The following ZBBX variants were observed in gnomAD, a reference collection of about 807,000 sequenced individuals.
ZBBX encodes zinc finger B-box domain containing, also known as zinc finger B-box domain-containing protein 1.
Under a neutral mutation model 108.5 loss-of-function variants are expected in ZBBX, and 101 were observed. The ratio of observed to expected loss-of-function variants is 0.93; its 90% CI spans 0.79 to 1.10. ZBBX has a LOEUF of 1.10. ZBBX is among the 50% of genes least tolerant of loss of function. ZBBX has a pLI of 0.00. For synonymous variants in ZBBX, 356 were observed against 323.4 expected (o/e 1.10, Z -1.08); for missense variants, 1,009 against 941.4 (o/e 1.07, Z -0.94).
At chr3:167,358,370 G>A (rs1057094218) in intron 8 of ZBBX, among the ~76,000 whole-genome samples, 1 of 151,830 alleles carries the variant, frequency 6.6e-6, no homozygotes, top group Non-Finnish European at 1.5e-5. Flanking sequence ...ACTAGGGGAT[G>A]GGGGGAATGG....
chr3:167,352,645 T>C (rs1742856003), intron 8 of ZBBX, among the ~76,000 whole-genome samples: 1 of 151,618 alleles, frequency 6.6e-6, no homozygotes, highest in Non-Finnish European at 1.5e-5. Context: ...AGGGTAACCC[T>C]GCTACCAAAG....
chr3:167,252,051 G>A (rs1722715921), intron 20 of ZBBX: 1 of 939,934 alleles, frequency 1.1e-6, no homozygotes, highest in South Asian at 1.5e-5. Context: ...AAACACCTCT[G>A]CCCTTCTCAG....
chr3:167,270,147 T>C (rs1726269690), intron 20 of ZBBX, among the ~76,000 whole-genome samples: 1 of 152,150 alleles, frequency 6.6e-6, no homozygotes, highest in African/African-American at 2.4e-5. Flanking sequence ...TCATCTACAT[T>C]CTGAGGGGCT....
intron 20 of ZBBX, among the ~76,000 whole-genome samples, chr3:167,274,738 T>C (rs1254516724): frequency 1.3e-5 from 2 of 152,198 alleles, no homozygotes; most frequent in Non-Finnish European, 2.9e-5. Context: ...GCTCCACCAC[T>C]GTACCTCACG....
At chr3:167,368,032 G>A (rs1447441153) in intron 5 of ZBBX, among the ~76,000 whole-genome samples, 1 of 145,248 alleles carries the variant, frequency 6.9e-6, no homozygotes, top group Non-Finnish European at 1.5e-5. Flanking sequence ...TCTTCATTAT[G>A]TATATATATG....
chr3:167,211,086 T>C, the ZBBX span, among the ~76,000 whole-genome samples: 3 of 152,090 alleles, frequency 2.0e-5, no homozygotes, highest in Non-Finnish European at 2.9e-5. Context: ...GGTATATGCA[T>C]TGGAATTAAC....
the ZBBX span, among the ~76,000 whole-genome samples, chr3:167,211,655 T>G: frequency 6.6e-6 from 1 of 151,872 alleles, no homozygotes; most frequent in Non-Finnish European, 1.5e-5. Context: ...TTGGAGAGTC[T>G]GAACTGACCC....
chr3:167,400,432 T>C (rs1444332341), intron 1 of ZBBX, among the ~76,000 whole-genome samples: 1 of 152,194 alleles, frequency 6.6e-6, no homozygotes, highest in Non-Finnish European at 1.5e-5. Flanking sequence ...ATTGTGGTTT[T>C]GATTTACATT....
chr3:167,383,293 T>C (rs1423966210), upstream of ZBBX, among the ~76,000 whole-genome samples: 1 of 152,028 alleles, frequency 6.6e-6, no homozygotes, highest in East Asian at 1.9e-4. Context: ...CCCTGAAATG[T>C]GGTTTTACTT....
intron 1 of ZBBX, among the ~76,000 whole-genome samples, chr3:167,396,968 A>C (rs1748252564): frequency 6.6e-6 from 1 of 151,644 alleles, no homozygotes; most frequent in Non-Finnish European, 1.5e-5. Flanking sequence ...GTTATTGGAA[A>C]AGACCAGGGA....
At chr3:167,349,030 G>C (rs751588726) in intron 9 of ZBBX, among the ~76,000 whole-genome samples, 5 of 151,936 alleles carry the variant, frequency 3.3e-5, no homozygotes, top group Non-Finnish European at 1.5e-5. Flanking sequence ...ATGTGGGAGG[G>C]AGAGGAGAAG....
At chr3:167,227,945 T>C in the ZBBX span, among the ~76,000 whole-genome samples, 1 of 151,646 alleles carries the variant, frequency 6.6e-6, no homozygotes, top group Non-Finnish European at 1.5e-5. Context: ...AACAATTTCC[T>C]TGTGTATAGC....
At chr3:167,267,664 C>T (rs1237365223) in intron 20 of ZBBX, among the ~76,000 whole-genome samples, 1 of 152,168 alleles carries the variant, frequency 6.6e-6, no homozygotes, top group Non-Finnish European at 1.5e-5. Context: ...GTATCAACTC[C>T]TAATTCAACA....
chr3:167,365,121 C>G (rs1442609042), intron 6 of ZBBX, among the ~76,000 whole-genome samples: 1 of 151,278 alleles, frequency 6.6e-6, no homozygotes, highest in African/African-American at 2.4e-5. Flanking sequence ...TTGATTTTTC[C>G]CTAAGATAGG....
rs781025337 is a variant in ZBBX, at chr3:167,314,013, G to C, written c.1378C>G (p.Leu460Val). ...TTATAATAAGTAGAGCTGTTTCTCA[G>C]ACAAAGATTTAAGAAGTCTCTCTTT... Reference protein sequence around the residue: ...KGKRDFLNLCLRNSSTYYKDN... With the variant: ...KGKRDFLNLCVRNSSTYYKDN... Residue 460 changes from leucine (L) to valine (V), a missense_variant, in exon 16 of 22, where the codon CTG becomes GTG. Transcript: ENST00000675490. 7 of 1,604,094 alleles carry C rather than the reference G, an allele frequency of 4.4e-6. No homozygotes were observed. The highest frequency in any genetic ancestry group is 1.1e-5 in the South Asian group (1 of 88,724).
At position 167,282,459 on chromosome 3, in the gene ZBBX, G is replaced by A; in HGVS notation, c.2033C>T (p.Pro678Leu). 6.2e-7 allele frequency: 1 copy of A among 1,613,078 alleles called. No homozygotes were observed. The highest frequency in any genetic ancestry group is 8.5e-7 in the Non-Finnish European group (1 of 1,179,554). The change falls in exon 20 of 22, where the codon CCA becomes CTA. Residue 678 changes from proline (P) to leucine (L), a missense_variant. By Grantham distance (98) the Pro-to-Leu change is moderately conservative (BLOSUM62 -3). Coordinates refer to ENST00000675490, the MANE Select transcript of ZBBX (RefSeq NM_001199201.2). ...GCTTTCTTTAACAGAGTTGGAAAGT[G>A]GAAAATTTGCTGTTGAAGGTCTCTG... ...KSQRPSTANF[P>L]LSNSVKESSS...
chr3:167,191,934 T>TATATATATATATAGAG, the ZBBX span, among the ~76,000 whole-genome samples: 2 of 130,224 alleles, frequency 1.5e-5, no homozygotes, highest in African/African-American at 3.0e-5. Context: ...TATATATATA[T>TATATATATATATAGAG]AGAGCAAGTT....
chr3:167,181,853 T>G, the ZBBX span, among the ~76,000 whole-genome samples: 1 of 152,038 alleles, frequency 6.6e-6, no homozygotes, highest in East Asian at 1.9e-4. Flanking sequence ...CTGGCAAGGG[T>G]CTATAGACTC....
At chr3:167,179,074 G>A in the ZBBX span, among the ~76,000 whole-genome samples, 32,326 of 151,988 alleles carry the variant, frequency 0.21, 3,713 homozygotes, top group Non-Finnish European at 0.27. Context: ...CCATCACCGA[G>A]AAACACTGCA....
Sources: gnomAD v4.1 joint callset for allele counts (sites outside exome capture counted in the v4.1 genomes callset) on GRCh38, gnomAD v4.1.1 for gene constraint, MANE v1.5 for transcripts, NCBI Gene and HGNC (gene_info 2026-07-23, HGNC 2026-07-21) for gene names.